PKHD1: variants seen among roughly 807,000 people sequenced by gnomAD.
PKHD1 encodes PKHD1 ciliary IPT domain containing fibrocystin/polyductin.
In PKHD1, 291 loss-of-function variants were observed where a neutral mutation model predicts 412.0. That is an observed-to-expected ratio of 0.71 (90% confidence interval 0.64 to 0.78). PKHD1 has a LOEUF of 0.78. Among genes scored for constraint, PKHD1 ranks in the 30% least tolerant of loss-of-function variants. The pLI is 0.00. For synonymous variants in PKHD1, 1,777 were observed against 1,821.5 expected, an observed-to-expected ratio of 0.98 and a Z score of 0.62; for missense variants, 4,825 against 4,950.7, an observed-to-expected ratio of 0.97 and a Z score of 0.76.
intron 60 of PKHD1, among the ~76,000 whole-genome samples, chr6:51,724,880 G>A (rs116428474): frequency 3.0e-4 from 46 of 152,286 alleles, no homozygotes; most frequent in African/African-American, 1.1e-3. Context: ...AAGTGATGCA[G>A]TGACCATGCT....
chr6:51,866,507 G>A (rs1775083921), intron 48 of PKHD1, among the ~76,000 whole-genome samples: 3 of 152,008 alleles, frequency 2.0e-5, no homozygotes, highest in Admixed American at 6.6e-5. Flanking sequence ...AAGAGCAAAT[G>A]CTCAAACAAG....
intron 13 of PKHD1, among the ~76,000 whole-genome samples, chr6:52,064,675 A>T (rs1011533822): frequency 6.6e-6 from 1 of 151,868 alleles, no homozygotes; most frequent in Non-Finnish European, 1.5e-5. Flanking sequence ...AGCTATAACA[A>T]TATCTTGAGG....
At chr6:51,969,486 T>C (rs1793339874) in intron 35 of PKHD1, among the ~76,000 whole-genome samples, 1 of 152,174 alleles carries the variant, frequency 6.6e-6, no homozygotes, top group Admixed American at 6.6e-5. Flanking sequence ...AGTCCGGGCT[T>C]TTAGTGTAAC....
At chr6:51,787,813 T>C (rs987555958) in intron 53 of PKHD1, among the ~76,000 whole-genome samples, 3 of 152,222 alleles carry the variant, frequency 2.0e-5, no homozygotes, top group Non-Finnish European at 4.4e-5. Context: ...AGCTATATAT[T>C]ATAGTAATGA....
chr6:51,756,212 G>C (rs1281808378), intron 55 of PKHD1, among the ~76,000 whole-genome samples: 1 of 152,128 alleles, frequency 6.6e-6, no homozygotes, highest in African/African-American at 2.4e-5. Context: ...TCTTAGCTCT[G>C]TTCCTGATTT....
chr6:51,915,628 A>G lies in PKHD1; in HGVS notation c.6122-3052T>C, dbSNP rs1035191664. Among the ~76,000 whole-genome samples, 7 of 152,110 alleles carry G rather than the reference A, an allele frequency of 4.6e-5. No homozygotes were observed. In the South Asian group the frequency reaches 8.3e-4, roughly 18 times the overall value. On this transcript the variant is annotated intron_variant, in intron 37 of 66. Transcript: ENST00000371117. The stretch of plus-strand genomic sequence containing the variant: ...CATGCAGAGACAGTTGCCACATTTC[A>G]TCATGGGACACAGTACACTCCCACA...
chr6:51,896,188 C>T (rs1289229828), intron 43 of PKHD1, among the ~76,000 whole-genome samples: 4 of 152,062 alleles, frequency 2.6e-5, no homozygotes, highest in Non-Finnish European at 5.9e-5. Context: ...GGCCTGCCTG[C>T]CTCTGTAGGC....
At position 51,627,133 on chromosome 6, in the gene PKHD1, G is replaced by C. The variant is rs764626499; in HGVS notation, c.11666-17C>G. On this transcript the variant is annotated splice_polypyrimidine_tract_variant and intron_variant, in intron 65 of 66. Transcript: ENST00000371117. ...GTTTTGTTTCTGTATTAATGGAGAA[G>C]AAAAAGGATTTTTTTGTTCAGTTGT... is the stretch of plus-strand genomic sequence containing the variant. 8 of 1,605,272 alleles carry C rather than the reference G, an allele frequency of 5.0e-6. No homozygotes were observed. Among genetic ancestry groups the C allele is most frequent in the South Asian group, 1.1e-5 (1 of 90,920 alleles).
At chr6:51,650,811 A>G (rs766720932) in intron 61 of PKHD1, among the ~76,000 whole-genome samples, 11 of 152,110 alleles carry the variant, frequency 7.2e-5, no homozygotes, top group Non-Finnish European at 1.2e-4. Flanking sequence ...AACTCACACT[A>G]GCCCCATCAT....
chr6:51,687,892 C>A (rs193218208), intron 60 of PKHD1, among the ~76,000 whole-genome samples: 3 of 148,960 alleles, frequency 2.0e-5, no homozygotes, highest in African/African-American at 7.3e-5. Context: ...TATTTTCAAA[C>A]GATGTGGATT....
At chr6:51,863,607 A>C (rs1774556508) in intron 48 of PKHD1, among the ~76,000 whole-genome samples, 1 of 152,210 alleles carries the variant, frequency 6.6e-6, no homozygotes, top group Non-Finnish European at 1.5e-5. Context: ...ATAGAGAAGG[A>C]ATCAGCAATT....
chr6:51,955,635 C>T (rs1325150446), intron 36 of PKHD1, among the ~76,000 whole-genome samples: 2 of 151,972 alleles, frequency 1.3e-5, no homozygotes, highest in African/African-American at 4.8e-5. Context: ...GGATGTAATA[C>T]CTTCATAAAG....
chr6:52,083,056 C>A, intron 3 of PKHD1, 122 bp downstream of exon 3: 1 of 746,720 alleles, frequency 1.3e-6, no homozygotes, highest in South Asian at 1.5e-5. Flanking sequence ...TCAGTCTGTT[C>A]GTCTCCCTTC....
At chr6:51,683,643 C>A (rs139145860) in intron 60 of PKHD1, among the ~76,000 whole-genome samples, 1 of 151,938 alleles carries the variant, frequency 6.6e-6, no homozygotes, top group Non-Finnish European at 1.5e-5. Flanking sequence ...TCATAGTAAT[C>A]CTAGGTTTTA....
intron 35 of PKHD1, among the ~76,000 whole-genome samples, chr6:51,969,240 A>G (rs1080078): frequency 0.66 from 99,514 of 151,762 alleles, 32,741 homozygotes; most frequent in Admixed American, 0.72. Context: ...AAGAAAATGA[A>G]GACCTAAATC....
intron 35 of PKHD1, among the ~76,000 whole-genome samples, chr6:51,990,131 C>T (rs1441538396): frequency 6.6e-6 from 1 of 151,242 alleles, no homozygotes; most frequent in Admixed American, 6.6e-5. Flanking sequence ...TTTTATTCTT[C>T]CCTTTTCCTT....
At chr6:51,860,725 A>G (rs1342457994) in intron 48 of PKHD1, among the ~76,000 whole-genome samples, 1 of 152,194 alleles carries the variant, frequency 6.6e-6, no homozygotes, top group Admixed American at 6.5e-5. Context: ...ATGATCAAAA[A>G]GACAAAAGGG....
At chr6:52,026,486 T>C (rs1187301930) in intron 31 of PKHD1, among the ~76,000 whole-genome samples, 1 of 152,190 alleles carries the variant, frequency 6.6e-6, no homozygotes, top group Non-Finnish European at 1.5e-5. Context: ...TACACACTAA[T>C]GAAAAATCAA....
chr6:51,670,851 T>G (rs1430722511), intron 60 of PKHD1, among the ~76,000 whole-genome samples: 1 of 151,458 alleles, frequency 6.6e-6, no homozygotes, highest in Non-Finnish European at 1.5e-5. Flanking sequence ...AAAATTCTTT[T>G]CTTTAAGAAT....
Sources: gnomAD v4.1 joint callset for allele counts (sites outside exome capture counted in the v4.1 genomes callset) on GRCh38, gnomAD v4.1.1 for gene constraint, MANE v1.5 for transcripts, NCBI Gene and HGNC (gene_info 2026-07-23, HGNC 2026-07-21) for gene names.